Variants in ACOXL observed in about 807,000 individuals in gnomAD.
ACOXL encodes acyl-coenzyme A oxidase-like protein.
ACOXL carries 70 observed loss-of-function variants against 71.9 expected under a neutral mutation model. The ratio of observed to expected loss-of-function variants is 0.97; its 90% confidence interval spans 0.80 to 1.19. The LOEUF is 1.19. Ranked by LOEUF, ACOXL falls within the 50% of genes most tolerant of loss-of-function variation. ACOXL has a pLI of 0.00. For synonymous variants in ACOXL, 253 were observed against 281.6 expected (o/e 0.90, Z 1.02); for missense variants, 703 against 736.3 (o/e 0.95, Z 0.52).
intron 12 of ACOXL, among the ~76,000 whole-genome samples, chr2:110,972,944 A>G (rs1337157433): frequency 6.6e-6 from 1 of 152,372 alleles, no homozygotes; most frequent in East Asian, 1.9e-4. Context: ...CACGTTCAGC[A>G]TAAACCACAT....
intron 10 of ACOXL, among the ~76,000 whole-genome samples, chr2:110,892,637 G>A (rs1315003327): frequency 1.3e-5 from 2 of 152,096 alleles, no homozygotes; most frequent in African/African-American, 4.8e-5. Context: ...CACATATTCT[G>A]TTGCCAGCAA....
At chr2:110,870,026 C>T (rs1695080686) in intron 10 of ACOXL, among the ~76,000 whole-genome samples, 1 of 152,278 alleles carries the variant, frequency 6.6e-6, no homozygotes, top group African/African-American at 2.4e-5. Context: ...TGGGTGATTC[C>T]TTCACAGCCT....
intron 12 of ACOXL, chr2:110,968,540 CGGA>C (rs2062034166): frequency 1.8e-6 from 2 of 1,128,618 alleles, no homozygotes; most frequent in African/African-American, 1.5e-5. Context: ...CCAGACATGA[CGGA>C]GGAGATGTAT....
chr2:110,965,845 CCT>C (rs2061902291), intron 12 of ACOXL, among the ~76,000 whole-genome samples: 1 of 152,128 alleles, frequency 6.6e-6, no homozygotes, highest in Admixed American at 6.5e-5. Context: ...CTCTGGATTT[CCT>C]TATTGTCTCC....
chr2:110,739,141 G>C (rs1677205281), intron 1 of ACOXL, among the ~76,000 whole-genome samples: 1 of 152,082 alleles, frequency 6.6e-6, no homozygotes, highest in Non-Finnish European at 1.5e-5. Context: ...TAAATGTCAG[G>C]TCAGTCATGG....
At chr2:110,867,171 C>G (rs1694711788) in intron 10 of ACOXL, among the ~76,000 whole-genome samples, 1 of 151,978 alleles carries the variant, frequency 6.6e-6, no homozygotes, top group Non-Finnish European at 1.5e-5. Context: ...CTGTGGGGAT[C>G]CGGGGGATGA....
chr2:111,005,992 A>G (rs1317075022), intron 14 of ACOXL, among the ~76,000 whole-genome samples: 2 of 152,224 alleles, frequency 1.3e-5, no homozygotes, highest in Non-Finnish European at 2.9e-5. Context: ...AGCGGTCTGA[A>G]TGGCAGATGT....
intron 10 of ACOXL, among the ~76,000 whole-genome samples, chr2:110,847,730 G>T (rs1692091318): frequency 6.6e-6 from 1 of 152,200 alleles, no homozygotes; most frequent in Non-Finnish European, 1.5e-5. Flanking sequence ...CCCGTAAGAG[G>T]CCCTGGCACC....
intron 12 of ACOXL, chr2:110,968,004 C>A: frequency 1.0e-6 from 1 of 972,346 alleles, no homozygotes; most frequent in Non-Finnish European, 1.6e-6. Flanking sequence ...ATCTAACCAA[C>A]AGAGATATCA....
At chr2:110,987,284 C>A in intron 13 of ACOXL, 67 bp downstream of exon 13, 1 of 1,405,378 alleles carries the variant, frequency 7.1e-7, no homozygotes, top group Non-Finnish European at 9.8e-7. Flanking sequence ...GTTCATACAG[C>A]CTTGGCATAA....
chr2:110,932,089 C>T (rs2060496601), intron 11 of ACOXL, among the ~76,000 whole-genome samples: 1 of 152,188 alleles, frequency 6.6e-6, no homozygotes, highest in Non-Finnish European at 1.5e-5. Flanking sequence ...TAGAGTACTA[C>T]TAGCAATAAA....
chr2:111,034,922 CTT>C (rs10707310), intron 15 of ACOXL, among the ~76,000 whole-genome samples: 69 of 143,874 alleles, frequency 4.8e-4, no homozygotes, highest in East Asian at 1.4e-3. Flanking sequence ...AAAGCACAGT[CTT>C]TTTTTTTTTT....
chr2:111,037,118 T>C (rs2065553427), intron 15 of ACOXL, among the ~76,000 whole-genome samples: 1 of 152,146 alleles, frequency 6.6e-6, no homozygotes, highest in South Asian at 2.1e-4. Context: ...TCCTCTGACA[T>C]CCTGCAGGTT....
intron 9 of ACOXL, among the ~76,000 whole-genome samples, chr2:110,812,479 A>G (rs951000080): frequency 6.6e-6 from 1 of 152,132 alleles, no homozygotes. Flanking sequence ...TCCCTCCTCA[A>G]GTAGACCCCA....
rs2070484125 is a variant in ACOXL at position 111,118,226 on chromosome 2, A to T, written c.*410A>T. ...AAACTGTGGTGCCGAGTGAAAGAAA[A>T]AAAAAAAAGCAAACACCCTTAGACA... On this transcript the variant is annotated 3_prime_UTR_variant, in exon 18 of 18. Transcript: ENST00000439055. 1 of 226,016 alleles carries T rather than the reference A, an allele frequency of 4.4e-6. No homozygotes were observed. The highest frequency in any genetic ancestry group is 2.3e-5 in the African/African-American group (1 of 42,794). The allele number at this position is 226,016 out of a possible 1,614,324, so 14.0% of individuals were successfully genotyped here. A position where few individuals can be genotyped will look rare whatever the true frequency, so the allele number is the denominator to read the frequency against.
chr2:110,775,885 C>T (rs942699319), intron 2 of ACOXL, among the ~76,000 whole-genome samples: 22 of 152,062 alleles, frequency 1.4e-4, no homozygotes, highest in African/African-American at 4.8e-4. Flanking sequence ...AATTACAATG[C>T]GATCCAGAAA....
intron 1 of ACOXL, among the ~76,000 whole-genome samples, chr2:110,759,640 C>T (rs1680136251): frequency 6.6e-6 from 1 of 152,250 alleles, no homozygotes; most frequent in South Asian, 2.1e-4. Flanking sequence ...GCAATCTTTT[C>T]ACCCATTTTA....
At chr2:111,064,528 T>G (rs140221611) in intron 16 of ACOXL, among the ~76,000 whole-genome samples, 128 of 152,232 alleles carry the variant, frequency 8.4e-4, no homozygotes, top group Non-Finnish European at 1.6e-3. Flanking sequence ...AATTACTTAC[T>G]ATATGTAATA....
At chr2:111,114,642 C>T (rs550052043) in intron 17 of ACOXL, among the ~76,000 whole-genome samples, 2 of 152,100 alleles carry the variant, frequency 1.3e-5, no homozygotes, top group Non-Finnish European at 2.9e-5. Context: ...TCCAAGTGTA[C>T]TGGGCACTTC....
Sources: gnomAD v4.1 joint callset for allele counts (sites outside exome capture counted in the v4.1 genomes callset) on GRCh38, gnomAD v4.1.1 for gene constraint, MANE v1.5 for transcripts, NCBI Gene and HGNC (gene_info 2026-07-23, HGNC 2026-07-21) for gene names.